The following CSRNP3 variants were observed in gnomAD, a reference collection of about 807,000 sequenced individuals.
CSRNP3 encodes cysteine and serine rich nuclear protein 3, also known as cysteine/serine-rich nuclear protein 3.
In CSRNP3, 12 loss-of-function variants were observed where a neutral mutation model predicts 48.0. That is an observed-to-expected ratio of 0.25 (90% confidence interval 0.16 to 0.41). The LOEUF (loss-of-function observed/expected upper bound fraction) is 0.41, where lower values mean the gene tolerates loss of function less well. Ranked by LOEUF, CSRNP3 falls within the 10% of genes least tolerant of loss-of-function variation. The probability of loss-of-function intolerance (pLI) is 1.00; values close to 1 mark genes in which losing one functional copy is unlikely to be tolerated. For synonymous variants in CSRNP3, 263 were observed against 269.7 expected, an observed-to-expected ratio of 0.98 and a Z score of 0.24; for missense variants, 580 against 724.4, an observed-to-expected ratio of 0.80 and a Z score of 2.29.
At chr2:165,595,955 C>T (rs957223251) in intron 4 of CSRNP3, among the ~76,000 whole-genome samples, 2 of 152,028 alleles carry the variant, frequency 1.3e-5, no homozygotes, top group East Asian at 1.9e-4. Context: ...TGGCACCACA[C>T]CCAACTAATT....
chr2:165,680,018 G>A lies in CSRNP3; in HGVS notation c.*265G>A, dbSNP rs1687507359. ...ATGCATATCTCACAGTTGCCTACCTGTCAAACTGTGTGAAACCTGCCAATC... is the reference window on the plus strand; with the variant it reads ...ATGCATATCTCACAGTTGCCTACCTATCAAACTGTGTGAAACCTGCCAATC... On this transcript the variant is annotated 3_prime_UTR_variant, in exon 7 of 7. Coordinates refer to ENST00000651982, the MANE Select transcript of CSRNP3 (RefSeq NM_001172173.2). The A allele has an allele frequency of 2.3e-6, 1 of 433,416 alleles. No homozygotes were observed. Among genetic ancestry groups the A allele is most frequent in the Non-Finnish European group, 4.1e-6 (1 of 246,408 alleles). 26.8% of individuals were successfully genotyped at this position (433,416 alleles called of 1,614,324 possible). A position where few individuals can be genotyped will look rare whatever the true frequency, so the allele number is the denominator to read the frequency against.
chr2:165,526,252 T>C (rs534263689), intron 3 of CSRNP3, among the ~76,000 whole-genome samples: 1 of 152,302 alleles, frequency 6.6e-6, no homozygotes, highest in South Asian at 2.1e-4. Context: ...CTTGTAGATA[T>C]CTACAAAAAA....
intron 4 of CSRNP3, among the ~76,000 whole-genome samples, chr2:165,612,385 C>T (rs953116400): frequency 6.6e-6 from 1 of 152,000 alleles, no homozygotes; most frequent in Non-Finnish European, 1.5e-5. Context: ...GTCTATACTT[C>T]AGTAATGGAC....
chr2:165,594,691 G>T, intron 3 of CSRNP3, among the ~76,000 whole-genome samples: 1 of 152,116 alleles, frequency 6.6e-6, no homozygotes, highest in East Asian at 1.9e-4. Flanking sequence ...ATATAATGTT[G>T]TAATCAAGGA....
intron 4 of CSRNP3, among the ~76,000 whole-genome samples, chr2:165,599,505 G>T (rs1685876884): frequency 6.6e-6 from 1 of 152,052 alleles, no homozygotes; most frequent in South Asian, 2.1e-4. Context: ...AGCCCAGACT[G>T]GTCTCAAACT....
At chr2:165,641,506 T>G (rs1686720903) in intron 4 of CSRNP3, among the ~76,000 whole-genome samples, 1 of 152,180 alleles carries the variant, frequency 6.6e-6, no homozygotes, top group African/African-American at 2.4e-5. Context: ...TAATCAAAGG[T>G]CAGGAGTCTG....
intron 3 of CSRNP3, among the ~76,000 whole-genome samples, chr2:165,560,230 T>C (rs1331877743): frequency 6.6e-6 from 1 of 152,198 alleles, no homozygotes. Context: ...GGTGGAATGA[T>C]GGACTTCTTT....
chr2:165,613,102 A>G (rs1026275153), intron 4 of CSRNP3, among the ~76,000 whole-genome samples: 3 of 151,936 alleles, frequency 2.0e-5, no homozygotes, highest in Admixed American at 2.0e-4. Context: ...TGTCTTTTTT[A>G]TGAAAGCCAT....
intron 4 of CSRNP3, among the ~76,000 whole-genome samples, chr2:165,607,643 T>C (rs943920777): frequency 1.3e-5 from 2 of 152,156 alleles, no homozygotes; most frequent in Non-Finnish European, 2.9e-5. Flanking sequence ...CTTTAGTTGA[T>C]CATCAGTAAA....
chr2:165,649,477 G>C (rs1686870741), intron 4 of CSRNP3, among the ~76,000 whole-genome samples: 1 of 152,118 alleles, frequency 6.6e-6, no homozygotes. Flanking sequence ...ATGACAACTG[G>C]TTCTTATATG....
intron 4 of CSRNP3, among the ~76,000 whole-genome samples, chr2:165,597,723 A>G (rs1330786242): frequency 6.6e-6 from 1 of 152,174 alleles, no homozygotes; most frequent in African/African-American, 2.4e-5. Context: ...AAGTACATGT[A>G]ATTTCTTGAG....
intron 3 of CSRNP3, among the ~76,000 whole-genome samples, chr2:165,544,945 G>T (rs560810301): frequency 7.2e-5 from 11 of 152,136 alleles, no homozygotes; most frequent in Non-Finnish European, 1.6e-4. Context: ...AAGAAAAGGA[G>T]AACCAGCAAA....
At position 165,557,613 on chromosome 2, in the gene CSRNP3, C is replaced by A. The variant is rs556913790; in HGVS notation, c.-23-37430C>A. ...GAGAAAGAGGAGGGAGCTCCCCCCACAACCATATATACCCCACACTCTTAA... is the reference window on the plus strand; with the variant it reads ...GAGAAAGAGGAGGGAGCTCCCCCCAAAACCATATATACCCCACACTCTTAA... On this transcript the variant is annotated intron_variant, in intron 3 of 6. Transcript: ENST00000651982. Among the ~76,000 whole-genome samples the A allele has an allele frequency of 5.4e-4, 82 of 152,304 alleles. No homozygotes were observed. In the South Asian group the frequency reaches 0.014, roughly 26 times the overall value.
At chr2:165,510,109 C>T (rs913124883) in intron 2 of CSRNP3, among the ~76,000 whole-genome samples, 2 of 152,084 alleles carry the variant, frequency 1.3e-5, no homozygotes, top group Non-Finnish European at 2.9e-5. Flanking sequence ...GTAATATTCA[C>T]GTTAGTCAGT....
intron 5 of CSRNP3, among the ~76,000 whole-genome samples, chr2:165,675,769 G>A (rs1292879643): frequency 1.3e-5 from 2 of 152,334 alleles, no homozygotes; most frequent in East Asian, 3.9e-4. Context: ...GGAATGTTCT[G>A]TAGAATAATC....
In CSRNP3 at chr2:165,557,729, A is replaced by G. The variant is rs555578017; in HGVS notation, c.-23-37314A>G. 4.6e-5 allele frequency among the ~76,000 whole-genome samples: 7 copies of G among 152,344 alleles called. No individual in the cohort carries two copies. The South Asian group carries it at 1.5e-3, about 32-fold the overall frequency. ...CTGCCTCCCCCACAGCTTTCAGCACAGTGCCTTCCTTTCAGCCATTCTCAC... is the reference window on the plus strand; with the variant it reads ...CTGCCTCCCCCACAGCTTTCAGCACGGTGCCTTCCTTTCAGCCATTCTCAC... On this transcript the variant is annotated intron_variant, in intron 3 of 6. Transcript: ENST00000651982.
chr2:165,562,800 A>G (rs1366737621), intron 3 of CSRNP3, among the ~76,000 whole-genome samples: 4 of 152,204 alleles, frequency 2.6e-5, no homozygotes, highest in Non-Finnish European at 4.4e-5. Context: ...AGAAATACAA[A>G]CACAGTAATA....
intron 4 of CSRNP3, among the ~76,000 whole-genome samples, chr2:165,637,756 T>G (rs1686655109): frequency 6.6e-6 from 1 of 152,248 alleles, no homozygotes; most frequent in African/African-American, 2.4e-5. Context: ...TTTCTTAATG[T>G]ACAAAATGGA....
intron 4 of CSRNP3, among the ~76,000 whole-genome samples, chr2:165,601,486 T>A (rs191247720): frequency 2.9e-4 from 44 of 152,340 alleles, no homozygotes; most frequent in African/African-American, 7.2e-4. Flanking sequence ...AGATTTTTTT[T>A]AATTTATGAA....
Sources: gnomAD v4.1 joint callset for allele counts (sites outside exome capture counted in the v4.1 genomes callset) on GRCh38, gnomAD v4.1.1 for gene constraint, MANE v1.5 for transcripts, NCBI Gene and HGNC (gene_info 2026-07-23, HGNC 2026-07-21) for gene names.